The following ZNF385D variants were observed in gnomAD, a reference collection of about 807,000 sequenced individuals.
The protein encoded by ZNF385D is zinc finger protein 659.
ZNF385D carries 15 observed loss-of-function variants against 35.8 expected under a neutral mutation model. That is an observed-to-expected ratio of 0.42 (90% confidence interval 0.28 to 0.64). The LOEUF is 0.64. Among genes scored for constraint, ZNF385D ranks in the 30% least tolerant of loss-of-function variants. The probability of loss-of-function intolerance (pLI) is 0.23; values close to 1 mark genes in which losing one functional copy is unlikely to be tolerated. For synonymous variants in ZNF385D, 212 were observed against 186.8 expected, an observed-to-expected ratio of 1.13 and a Z score of -1.10; for missense variants, 474 against 494.6, an observed-to-expected ratio of 0.96 and a Z score of 0.39.
intron 1 of ZNF385D, among the ~76,000 whole-genome samples, chr3:21,670,574 G>T (rs982600545): frequency 4.2e-5 from 6 of 141,662 alleles, no homozygotes; most frequent in African/African-American, 1.1e-4. Flanking sequence ...AAAAACTTTA[G>T]ATCTGATCCT....
chr3:21,656,196 A>T (rs2066067076), intron 2 of ZNF385D, among the ~76,000 whole-genome samples: 1 of 152,022 alleles, frequency 6.6e-6, no homozygotes, highest in Non-Finnish European at 1.5e-5. Context: ...GTTGTCAGGA[A>T]CATTGCAGAA....
intron 3 of ZNF385D, among the ~76,000 whole-genome samples, chr3:22,124,780 T>C (rs1028287826): frequency 6.6e-6 from 1 of 152,190 alleles, no homozygotes; most frequent in African/African-American, 2.4e-5. Flanking sequence ...TTTTATCCTA[T>C]AGAGTTGTTT....
At chr3:22,059,534 C>G (rs1483606534) in intron 3 of ZNF385D, among the ~76,000 whole-genome samples, 1 of 152,040 alleles carries the variant, frequency 6.6e-6, no homozygotes, top group Non-Finnish European at 1.5e-5. Flanking sequence ...CAGAGAATGT[C>G]CTTTGTGATA....
At chr3:22,218,508 C>T (rs1440258434) in intron 2 of ZNF385D, among the ~76,000 whole-genome samples, 2 of 151,978 alleles carry the variant, frequency 1.3e-5, no homozygotes, top group Non-Finnish European at 2.9e-5. Context: ...TATACATACA[C>T]ACACAACTGT....
intron 3 of ZNF385D, among the ~76,000 whole-genome samples, chr3:21,935,607 C>T (rs1398216656): frequency 1.3e-5 from 2 of 152,110 alleles, no homozygotes; most frequent in African/African-American, 4.8e-5. Flanking sequence ...TCCTATCTGT[C>T]CACTTTTCTG....
intron 1 of ZNF385D, among the ~76,000 whole-genome samples, chr3:21,682,689 G>C (rs2066955750): frequency 6.7e-6 from 1 of 149,812 alleles, no homozygotes; most frequent in Admixed American, 6.7e-5. Context: ...TGAAACCTTA[G>C]CAATCAAGTA....
At chr3:21,946,316 T>C (rs473395) in intron 3 of ZNF385D, among the ~76,000 whole-genome samples, 39,534 of 152,120 alleles carry the variant, frequency 0.26, 5,836 homozygotes, top group Admixed American at 0.41. Flanking sequence ...AACATTTTTA[T>C]GTATATATAT....
intron 3 of ZNF385D, among the ~76,000 whole-genome samples, chr3:21,990,944 C>T (rs1289386274): frequency 6.6e-6 from 1 of 152,274 alleles, no homozygotes; most frequent in African/African-American, 2.4e-5. Flanking sequence ...ACAACAAATG[C>T]GTGATCTAAT....
chr3:22,148,172 G>C (rs1052365078), intron 3 of ZNF385D, among the ~76,000 whole-genome samples: 2 of 152,216 alleles, frequency 1.3e-5, no homozygotes, highest in South Asian at 4.2e-4. Flanking sequence ...ACCAGAATTA[G>C]AATTTGTGCT....
intron 2 of ZNF385D, among the ~76,000 whole-genome samples, chr3:22,311,706 T>C (rs1179216752): frequency 1.3e-5 from 2 of 152,112 alleles, no homozygotes; most frequent in Non-Finnish European, 2.9e-5. Flanking sequence ...GAAGATAATA[T>C]TCACGCTTTG....
At chr3:22,287,117 A>G (rs1214763618) in intron 2 of ZNF385D, among the ~76,000 whole-genome samples, 1 of 151,994 alleles carries the variant, frequency 6.6e-6, no homozygotes, top group East Asian at 1.9e-4. Flanking sequence ...CCACTTTATT[A>G]TTATATAATG....
At chr3:22,146,910 C>G (rs1012756401) in intron 3 of ZNF385D, among the ~76,000 whole-genome samples, 1 of 152,048 alleles carries the variant, frequency 6.6e-6, no homozygotes, top group African/African-American at 2.4e-5. Context: ...TGTTTTGTCT[C>G]GTTTTTACAT....
intron 3 of ZNF385D, among the ~76,000 whole-genome samples, chr3:21,836,483 TG>T (rs1326062268): frequency 2.6e-5 from 4 of 152,026 alleles, no homozygotes; most frequent in Admixed American, 6.6e-5. Context: ...AACACTGCCA[TG>T]GGATATAACA....
Position 22,278,252 on chromosome 3 carries a change from G to C in ZNF385D, c.106+94198C>G, listed in dbSNP as rs77619665. ...TAGTACAAAGTAATTAACTCAAAAAGTACAGTCACAATGGTGACTGCTTCA... is the reference window on the plus strand; with the variant it reads ...TAGTACAAAGTAATTAACTCAAAAACTACAGTCACAATGGTGACTGCTTCA... On this transcript the variant is annotated intron_variant, in intron 2 of 5. Transcript: ENST00000494108. 3.4e-3 allele frequency among the ~76,000 whole-genome samples: 512 copies of C among 152,170 alleles called. 6 individuals carry two copies. The highest frequency in any genetic ancestry group is 0.012 in the African/African-American group (484 of 41,558).
At chr3:21,823,618 A>T (rs1344731346) in intron 3 of ZNF385D, among the ~76,000 whole-genome samples, 1 of 152,212 alleles carries the variant, frequency 6.6e-6, no homozygotes, top group Non-Finnish European at 1.5e-5. Flanking sequence ...ATAATTTTGC[A>T]CACAGTCAAT....
intron 3 of ZNF385D, among the ~76,000 whole-genome samples, chr3:21,879,024 C>T (rs1257701539): frequency 2.0e-5 from 3 of 151,944 alleles, no homozygotes; most frequent in Non-Finnish European, 2.9e-5. Context: ...TTGTGATACA[C>T]TACCAGAAAA....
At chr3:21,709,974 T>C (rs1351299094) in intron 1 of ZNF385D, among the ~76,000 whole-genome samples, 2 of 152,036 alleles carry the variant, frequency 1.3e-5, no homozygotes, top group African/African-American at 4.8e-5. Flanking sequence ...AAGGAACGAG[T>C]TATTGATACA....
At chr3:21,482,400 G>GA (rs1292203766) in intron 4 of ZNF385D, among the ~76,000 whole-genome samples, 1 of 152,176 alleles carries the variant, frequency 6.6e-6, no homozygotes, top group African/African-American at 2.4e-5. Context: ...AACTCTGACA[G>GA]AAAGTGTATG....
At chr3:21,485,556 A>G (rs1185424660) in intron 4 of ZNF385D, among the ~76,000 whole-genome samples, 2 of 151,780 alleles carry the variant, frequency 1.3e-5, no homozygotes, top group African/African-American at 2.4e-5. Flanking sequence ...ATCTTCCTCT[A>G]TGTTTTTTTA....
Sources: gnomAD v4.1 joint callset for allele counts (sites outside exome capture counted in the v4.1 genomes callset) on GRCh38, gnomAD v4.1.1 for gene constraint, MANE v1.5 for transcripts, NCBI Gene and HGNC (gene_info 2026-07-23, HGNC 2026-07-21) for gene names.